Variants in ZNRF2 observed in about 807,000 individuals in gnomAD.
ZNRF2 encodes E3 ubiquitin-protein ligase ZNRF2.
A neutral mutation model predicts 20.4 loss-of-function variants in ZNRF2; 16 were observed. That is an observed-to-expected ratio of 0.79 (90% CI 0.53 to 1.19). The LOEUF is 1.19. Ranked by LOEUF, ZNRF2 falls within the 50% of genes most tolerant of loss-of-function variation. The pLI is 0.00. For synonymous variants in ZNRF2, 178 were observed against 144.9 expected (o/e 1.23, Z -1.64); for missense variants, 363 against 332.4 (o/e 1.09, Z -0.72).
At chr7:30,336,202 G>T (rs1455420800) in intron 2 of ZNRF2, among the ~76,000 whole-genome samples, 1 of 152,144 alleles carries the variant, frequency 6.6e-6, no homozygotes, top group Non-Finnish European at 1.5e-5. Context: ...TTTTTCCAAT[G>T]ACTACATATT....
intron 1 of ZNRF2, among the ~76,000 whole-genome samples, chr7:30,309,244 T>C (rs1014244853): frequency 1.3e-5 from 2 of 152,202 alleles, no homozygotes; most frequent in Admixed American, 1.3e-4. Context: ...CTCTGAACTC[T>C]TCTAATGTAT....
intron 1 of ZNRF2, among the ~76,000 whole-genome samples, chr7:30,316,288 C>CAAAAAAAAAAAAAAAAAAAAAAAAAAAAA (rs60218988): frequency 3.6e-5 from 1 of 27,500 alleles, no homozygotes; most frequent in Non-Finnish European, 7.9e-5. Context: ...AACTCCATCT[C>CAAAAAAAAAAAAAAAAAAAAAAAAAAAAA]AAAAAAAAAA....
intron 2 of ZNRF2, among the ~76,000 whole-genome samples, chr7:30,327,683 T>G (rs1300621842): frequency 6.6e-6 from 1 of 151,986 alleles, no homozygotes; most frequent in Non-Finnish European, 1.5e-5. Context: ...CTTTAAAAAA[T>G]AAAAATATAT....
chr7:30,307,228 T>G lies in ZNRF2; in HGVS notation c.470-16414T>G, dbSNP rs553918760. On this transcript the variant is annotated intron_variant, in intron 1 of 4. Transcript: ENST00000323037. ...GTTCTGAGGTTCTCCTGTCCTTGCA[T>G]GCTGTGTCAAATGGCATCCATTGTT... Among the ~76,000 whole-genome samples, 4 of 152,002 alleles carry G rather than the reference T, an allele frequency of 2.6e-5. No individual in the cohort carries two copies. In the East Asian group the frequency reaches 7.7e-4, roughly 29 times the overall value.
At chr7:30,357,582 A>G (rs1006328741) in intron 3 of ZNRF2, among the ~76,000 whole-genome samples, 1 of 152,204 alleles carries the variant, frequency 6.6e-6, no homozygotes, top group Non-Finnish European at 1.5e-5. Flanking sequence ...AATAGAAAAA[A>G]ATAGTGAAGA....
chr7:30,310,418 G>C lies in ZNRF2; in HGVS notation c.470-13224G>C, dbSNP rs189008738. Among the ~76,000 whole-genome samples, 3 of 152,288 alleles carry C rather than the reference G, an allele frequency of 2.0e-5. No homozygotes were observed. In the East Asian group the frequency reaches 5.8e-4, roughly 29 times the overall value. ...CAGGGGTTGGCAAATGTCTAGTAAA[G>C]GGCCAGATAGTAAATATTTCAGGCT... On this transcript the variant is annotated intron_variant, in intron 1 of 4. Coordinates refer to ENST00000323037, the MANE Select transcript of ZNRF2 (RefSeq NM_147128.4).
intron 1 of ZNRF2, among the ~76,000 whole-genome samples, chr7:30,315,725 G>GGT (rs1369538196): frequency 0.011 from 1,042 of 92,428 alleles, 30 homozygotes; most frequent in Middle Eastern, 0.027. Flanking sequence ...AAAAAGGTGG[G>GGT]GCGGGGGGGG....
chr7:30,298,038 G>A (rs1189690592), intron 1 of ZNRF2, among the ~76,000 whole-genome samples: 3 of 151,856 alleles, frequency 2.0e-5, no homozygotes, highest in Non-Finnish European at 2.9e-5. Flanking sequence ...TTTTAAAAAC[G>A]TGATCTTATA....
chr7:30,302,791 C>A (rs1799139499), intron 1 of ZNRF2, among the ~76,000 whole-genome samples: 1 of 152,144 alleles, frequency 6.6e-6, no homozygotes, highest in Non-Finnish European at 1.5e-5. Context: ...ACTACTAATG[C>A]TTTCAGAGCT....
At chr7:30,320,612 A>G (rs773430111) in intron 1 of ZNRF2, among the ~76,000 whole-genome samples, 41 of 152,172 alleles carry the variant, frequency 2.7e-4, no homozygotes, top group Non-Finnish European at 5.9e-5. Flanking sequence ...ATCTCATGTA[A>G]TTTATTGAAT....
chr7:30,310,999 T>C lies in ZNRF2; in HGVS notation c.470-12643T>C, dbSNP rs113216577. On this transcript the variant is annotated intron_variant, in intron 1 of 4. Coordinates refer to ENST00000323037, the MANE Select transcript of ZNRF2 (RefSeq NM_147128.4). The stretch of plus-strand genomic sequence containing the variant: ...GGGAGGATGCTAACTGAAAATGCTT[T>C]ATAAACTACATGCCTTTTCCAAGCT... Among the ~76,000 whole-genome samples, 718 of 152,290 alleles carry C rather than the reference T, an allele frequency of 4.7e-3. 6 individuals are homozygous for C. Among genetic ancestry groups the C allele is most frequent in the African/African-American group, 0.016 (677 of 41,562 alleles).
chr7:30,309,039 T>A (rs1799251545), intron 1 of ZNRF2, among the ~76,000 whole-genome samples: 1 of 152,200 alleles, frequency 6.6e-6, no homozygotes. Flanking sequence ...ATGTCTTCAC[T>A]CCTGTATAAA....
chr7:30,321,745 T>G (rs546102342), intron 1 of ZNRF2, among the ~76,000 whole-genome samples: 1 of 152,328 alleles, frequency 6.6e-6, no homozygotes, highest in South Asian at 2.1e-4. Flanking sequence ...GCAAATTTTT[T>G]AAGTTTCAAG....
intron 3 of ZNRF2, among the ~76,000 whole-genome samples, chr7:30,359,988 A>G (rs1800101577): frequency 6.6e-6 from 1 of 152,216 alleles, no homozygotes; most frequent in Admixed American, 6.5e-5. Context: ...TTCAGAAAAA[A>G]GGACCCTCAA....
chr7:30,354,552 T>C (rs1800008356), intron 2 of ZNRF2, among the ~76,000 whole-genome samples: 1 of 152,170 alleles, frequency 6.6e-6, no homozygotes, highest in Admixed American at 6.5e-5. Flanking sequence ...TTACAGATAA[T>C]GTACACAATC....
intron 2 of ZNRF2, among the ~76,000 whole-genome samples, chr7:30,347,274 G>A (rs950414506): frequency 3.3e-5 from 5 of 151,954 alleles, no homozygotes; most frequent in African/African-American, 7.3e-5. Context: ...TTTCTCTTTT[G>A]TGAGCCTGTT....
At chr7:30,297,380 A>G (rs899468494) in intron 1 of ZNRF2, among the ~76,000 whole-genome samples, 2 of 151,918 alleles carry the variant, frequency 1.3e-5, no homozygotes, top group African/African-American at 2.4e-5. Context: ...TTCTTTCTTG[A>G]TGTTCTCCAT....
chr7:30,295,081 G>GTT (rs1386201357), intron 1 of ZNRF2, among the ~76,000 whole-genome samples: 1 of 149,628 alleles, frequency 6.7e-6, no homozygotes, highest in Non-Finnish European at 1.5e-5. Flanking sequence ...GTGTGTGTGT[G>GTT]TGTGTGTGTG....
intron 1 of ZNRF2, among the ~76,000 whole-genome samples, chr7:30,315,876 G>A (rs1799366092): frequency 6.6e-6 from 1 of 151,962 alleles, no homozygotes; most frequent in South Asian, 2.1e-4. Context: ...TTGAGTGATA[G>A]TGTGTGTCAT....
Sources: allele counts gnomAD v4.1 joint callset (sites outside exome capture counted in the v4.1 genomes callset), GRCh38; gene constraint gnomAD v4.1.1; transcripts MANE v1.5; gene names NCBI Gene and HGNC (gene_info 2026-07-23, HGNC 2026-07-21).